Variants in PCDHGA4 observed in about 807,000 individuals in gnomAD.
PCDHGA4 encodes the protein protocadherin gamma subfamily A, 4, also known as protocadherin gamma-A4.
Under a neutral mutation model 54.6 loss-of-function variants are expected in PCDHGA4, and 38 were observed. The ratio of observed to expected loss-of-function variants is 0.70; its 90% CI spans 0.54 to 0.91. The LOEUF (loss-of-function observed/expected upper bound fraction) is 0.91. PCDHGA4 is among the 40% of genes least tolerant of loss of function. The pLI, the probability that PCDHGA4 is intolerant of heterozygous loss-of-function variation, is 0.00. For missense variants in PCDHGA4, 1,298 were observed against 1,220.9 expected, an observed-to-expected ratio of 1.06 and a Z score of -0.94; for synonymous variants, 511 against 512.9, an observed-to-expected ratio of 1.00 and a Z score of 0.05.
chr5:141,424,232 C>A (rs182055138), intron 1 of PCDHGA4: 1 of 158,642 alleles, frequency 6.3e-6, no homozygotes, highest in East Asian at 1.9e-4. Context: ...TATTTTGATT[C>A]TTGGTGGCTG....
intron 1 of PCDHGA4, chr5:141,412,918 G>T: frequency 2.4e-6 from 1 of 414,220 alleles, no homozygotes; most frequent in Non-Finnish European, 4.2e-6. Flanking sequence ...TATCACTTGG[G>T]TGCAGTAACT....
Position 141,370,437 on chromosome 5 carries a change from C to A in PCDHGA4, c.2514+12816C>A, listed in dbSNP as rs770648794. ...ATGGAGGGGCCCAGCAGGGCAGAGG[C>A]GAATGCTATTTCTCTTCCTGCTCTC... On this transcript the variant is annotated intron_variant, in intron 1 of 3. Coordinates refer to ENST00000571252, the MANE Select transcript of PCDHGA4 (RefSeq NM_018917.4). 1.6e-5 allele frequency: 26 copies of A among 1,603,674 alleles called. No individual in the cohort carries two copies. In the East Asian group the frequency reaches 5.6e-4, roughly 34 times the overall value.
chr5:141,419,378 G>C (rs777509820), intron 1 of PCDHGA4: 3 of 1,613,712 alleles, frequency 1.9e-6, no homozygotes, highest in Admixed American at 3.3e-5. Context: ...CTACGTGTCC[G>C]TGAGCGCGCA....
chr5:141,384,419 T>G, intron 1 of PCDHGA4: 1 of 1,613,944 alleles, frequency 6.2e-7, no homozygotes, highest in Non-Finnish European at 8.5e-7. Context: ...TATGTCTCCA[T>G]AAACTCTGAC....
intron 1 of PCDHGA4, chr5:141,478,884 C>T (rs767294994): frequency 9.2e-5 from 110 of 1,194,180 alleles, no homozygotes; most frequent in Non-Finnish European, 1.2e-4. Context: ...AGCTTGGTAT[C>T]ATTTACATTA....
chr5:141,365,052 T>A, intron 1 of PCDHGA4: 2 of 1,613,872 alleles, frequency 1.2e-6, no homozygotes, highest in Non-Finnish European at 1.7e-6. Context: ...AATGCGCCCC[T>A]GTTCACCCCA....
rs749499883 is a variant in PCDHGA4 at position 141,486,382 on chromosome 5, C to T, written c.2515-8425C>T. ...TTGCCCTCAAGTCTGCCTTCAGGAA[C>T]CAGTTCTCCCTGGTGACTGCTGGAC... is the stretch of plus-strand genomic sequence containing the variant. On this transcript the variant is annotated intron_variant, in intron 1 of 3. Transcript: ENST00000571252. The surrounding 1 kb of genome is among the most constrained non-coding windows in gnomAD (Gnocchi z 5.0). 25 of 1,613,986 alleles carry T rather than the reference C, an allele frequency of 1.5e-5. No homozygotes were observed. The highest frequency in any genetic ancestry group is 1.9e-5 in the Non-Finnish European group (23 of 1,179,998).
At chr5:141,403,913 G>A (rs567115998) in intron 1 of PCDHGA4, 5 of 1,613,844 alleles carry the variant, frequency 3.1e-6, no homozygotes, top group Non-Finnish European at 8.5e-7. Context: ...GGAAATACAA[G>A]CTGAAGATGG....
chr5:141,399,540 C>A (rs775910113), intron 1 of PCDHGA4: 2 of 1,613,934 alleles, frequency 1.2e-6, no homozygotes, highest in Non-Finnish European at 1.7e-6. Context: ...CGCAAGTCTG[C>A]GCCTCGGACC....
chr5:141,371,540 C>G, intron 1 of PCDHGA4: 1 of 1,613,730 alleles, frequency 6.2e-7, no homozygotes, highest in East Asian at 2.2e-5. Flanking sequence ...ATGGAGAAAT[C>G]CTATGCCAAC....
Position 141,486,276 on chromosome 5 carries a change from T to C in PCDHGA4, c.2515-8531T>C. The C allele has an allele frequency of 1.2e-6, 2 of 1,613,980 alleles. No homozygotes were observed. The highest frequency in any genetic ancestry group is 1.7e-6 in the Non-Finnish European group (2 of 1,179,974). On this transcript the variant is annotated intron_variant, in intron 1 of 3. Coordinates refer to ENST00000571252, the MANE Select transcript of PCDHGA4 (RefSeq NM_018917.4). The surrounding 1 kb of genome is among the most constrained non-coding windows in gnomAD (Gnocchi z 5.0). ...CCCGAGAGTGCAGAACCTGGCACTG[T>C]GGTGGCACTTATCAGTGTGCAGGAT...
At chr5:141,363,097 G>A (rs182933962) in intron 1 of PCDHGA4, among the ~76,000 whole-genome samples, 161 of 152,360 alleles carry the variant, frequency 1.1e-3, no homozygotes, top group Admixed American at 1.8e-3. Context: ...CTAAAGGACA[G>A]GCAATGTTTG....
At chr5:141,361,528 A>G (rs751857437) in intron 1 of PCDHGA4, 1 of 1,614,024 alleles carries the variant, frequency 6.2e-7, no homozygotes, top group Non-Finnish European at 8.5e-7. Context: ...GGCAGAGAAC[A>G]ATCCTCCTGG....
At position 141,404,691 on chromosome 5, in the gene PCDHGA4, G is replaced by T. The variant is rs200601931; in HGVS notation, c.2514+47070G>T. ...TCTACTGGTGTGGAGCTGGCACCCC[G>T]CTCTGCAGAGCCTGGCTACCTGGTG... On this transcript the variant is annotated intron_variant, in intron 1 of 3. Transcript: ENST00000571252. 28 of 1,613,996 alleles carry T rather than the reference G, an allele frequency of 1.7e-5. No individual in the cohort carries two copies. The highest frequency in any genetic ancestry group is 1.6e-4 in the Middle Eastern group (1 of 6,062).
At chr5:141,417,784 G>T in intron 1 of PCDHGA4, 2 of 1,474,908 alleles carry the variant, frequency 1.4e-6, no homozygotes, top group Non-Finnish European at 9.0e-7. Context: ...GTCCTGGGCC[G>T]AATGCTCTTT....
chr5:141,428,508 T>G, intron 1 of PCDHGA4: 1 of 279,550 alleles, frequency 3.6e-6, no homozygotes, highest in South Asian at 4.0e-5. Flanking sequence ...CCTCGGATTC[T>G]AGAAAAAGAA....
At chr5:141,366,899 C>A in intron 1 of PCDHGA4, 1 of 1,196,082 alleles carries the variant, frequency 8.4e-7, no homozygotes, top group Non-Finnish European at 1.1e-6. Flanking sequence ...ATAATTCATG[C>A]TTTCTCCATT....
At chr5:141,397,632 G>A (rs1338700585) in intron 1 of PCDHGA4, among the ~76,000 whole-genome samples, 2 of 152,222 alleles carry the variant, frequency 1.3e-5, no homozygotes, top group African/African-American at 4.8e-5. Context: ...CTAGCTAAGA[G>A]TTCAAGGTAT....
chr5:141,390,144 G>A, intron 1 of PCDHGA4: 1 of 1,614,036 alleles, frequency 6.2e-7, no homozygotes, highest in South Asian at 1.1e-5. Context: ...CAATCTATGT[G>A]TTGCACATAC....
Sources: allele counts gnomAD v4.1 joint callset (sites outside exome capture counted in the v4.1 genomes callset), GRCh38; gene constraint gnomAD v4.1.1; non-coding constraint Gnocchi (gnomAD v3.1); transcripts MANE v1.5; gene names NCBI Gene and HGNC (gene_info 2026-07-23, HGNC 2026-07-21).